Variants in GABRD observed in about 807,000 individuals in gnomAD.
The protein encoded by GABRD is gamma-aminobutyric acid receptor subunit delta.
In GABRD, 25 loss-of-function variants were observed where a neutral mutation model predicts 47.3. The ratio of observed to expected loss-of-function variants is 0.53; its 90% CI spans 0.39 to 0.74. GABRD has a LOEUF of 0.74. GABRD is among the 30% of genes least tolerant of loss of function. The pLI, the probability that GABRD is intolerant of heterozygous loss-of-function variation, is 0.00. For missense variants in GABRD, 497 were observed against 643.4 expected (o/e 0.77, Z 2.46); for synonymous variants, 314 against 278.8 (o/e 1.13, Z -1.26).
chr1:2,028,941 C>T lies in GABRD; in HGVS notation c.692-170C>T, dbSNP rs1405534828. 1.5e-5 allele frequency: 12 copies of T among 786,072 alleles called. No homozygotes were observed. The highest frequency in any genetic ancestry group is 8.0e-5 in the East Asian group (3 of 37,308). The allele number at this position is 786,072 out of a possible 1,614,324, so 48.7% of individuals were successfully genotyped here. Reference sequence around the variant, plus strand: ...CCTGTCCTGTGGCCAGACCTAGGGCCGGAGGCCCCCTGACATTTCAGGCCA... The same window carrying T: ...CCTGTCCTGTGGCCAGACCTAGGGCTGGAGGCCCCCTGACATTTCAGGCCA... On this transcript the variant is annotated intron_variant, in intron 6 of 8. Coordinates refer to ENST00000378585, the MANE Select transcript of GABRD (RefSeq NM_000815.5). The surrounding 1 kb of genome is among the most constrained non-coding windows in gnomAD (Gnocchi z 6.4).
In GABRD at chr1:2,028,324, G is replaced by A; in HGVS notation, c.691+32G>A. On this transcript the variant is annotated intron_variant, in intron 6 of 8. Coordinates refer to ENST00000378585, the MANE Select transcript of GABRD (RefSeq NM_000815.5). This position sits in a 1 kb window ranked among gnomAD's most constrained non-coding sequence, Gnocchi z 6.4. Reference sequence around the variant, plus strand: ...TATGCCCGCCGCCCCTTCCGCATGTGCCCGCCGCCCCTTCCGCGCGCGCCC... The same window carrying A: ...TATGCCCGCCGCCCCTTCCGCATGTACCCGCCGCCCCTTCCGCGCGCGCCC... 1 of 1,587,160 alleles carries A rather than the reference G, an allele frequency of 6.3e-7. No homozygotes were observed. The highest frequency in any genetic ancestry group is 8.6e-7 in the Non-Finnish European group (1 of 1,164,436).
At chr1:2,020,638 C>T (rs1376892596) in intron 1 of GABRD, among the ~76,000 whole-genome samples, 1 of 152,196 alleles carries the variant, frequency 6.6e-6, no homozygotes, top group Non-Finnish European at 1.5e-5. Flanking sequence ...GCCTTTCTCC[C>T]TTTGTCCTTC....
At chr1:2,027,099 GC>G (rs1411367218) in intron 4 of GABRD, 2 of 257,926 alleles carry the variant, frequency 7.8e-6, no homozygotes, top group African/African-American at 4.6e-5. Context: ...GGGGGTTGAG[GC>G]TGTAGTGAGT....
chr1:2,025,210 A>C (rs1328652435), intron 2 of GABRD, 124 bp from the exon 3 acceptor site: 1 of 1,316,340 alleles, frequency 7.6e-7, no homozygotes, highest in East Asian at 2.3e-5. Context: ...AGAGACAGCC[A>C]GGGAGGTGCA....
Position 2,024,999 on chromosome 1 carries a change from C to A in GABRD, c.126C>A (p.Pro42=). The A allele has an allele frequency of 6.2e-7, 1 of 1,612,930 alleles. No individual in the cohort carries two copies. Residue 42 remains proline, a synonymous_variant, in exon 2 of 9, where the codon CCC becomes CCA. Transcript: ENST00000378585. ...VGSNLEISWL[P]NLDGLIAGYA... ...CCAACCTGGAGATCTCCTGGCTCCCCAACCTGGACGGGCTGATAGCCGGCT... is the reference window on the plus strand; with the variant it reads ...CCAACCTGGAGATCTCCTGGCTCCCAAACCTGGACGGGCTGATAGCCGGCT...
chr1:2,025,776 T>C, intron 4 of GABRD, 38 bp downstream of exon 4: 1 of 1,578,368 alleles, frequency 6.3e-7, no homozygotes, highest in Non-Finnish European at 8.7e-7. Context: ...GGGGAGAGCC[T>C]GCCCGGGCCA....
At chr1:2,026,294 G>A (rs187639707) in intron 4 of GABRD, among the ~76,000 whole-genome samples, 75 of 152,260 alleles carry the variant, frequency 4.9e-4, no homozygotes, top group African/African-American at 1.6e-3. Context: ...TCAGCATCAC[G>A]TCCTCACGGT....
At chr1:2,023,772 G>A (rs1553123042) in intron 1 of GABRD, 1 of 152,202 alleles carries the variant, frequency 6.6e-6, no homozygotes, top group Non-Finnish European at 1.5e-5. Flanking sequence ...CCCACCCCTG[G>A]GACCAATCCC....
intron 1 of GABRD, among the ~76,000 whole-genome samples, chr1:2,020,543 C>G (rs766741524): frequency 6.6e-6 from 1 of 152,224 alleles, no homozygotes; most frequent in Non-Finnish European, 1.5e-5. Flanking sequence ...GTGTGCCCAT[C>G]AGGAGACCGC....
chr1:2,023,184 G>A (rs1248190681), intron 1 of GABRD, among the ~76,000 whole-genome samples: 4 of 152,098 alleles, frequency 2.6e-5, no homozygotes, highest in African/African-American at 4.8e-5. Flanking sequence ...GCAGCTCCCC[G>A]GCTGGACTTA....
rs369289695 is a variant in GABRD at position 2,025,757 on chromosome 1, C to T, written c.470+19C>T. On this transcript the variant is annotated intron_variant, in intron 4 of 8. Transcript: ENST00000378585. ...GCATCCGGTGAGCGGGCTGCCCACCCGGACTCCGGGGGAGAGCCTGCCCGG... is the reference window on the plus strand; with the variant it reads ...GCATCCGGTGAGCGGGCTGCCCACCTGGACTCCGGGGGAGAGCCTGCCCGG... 1.9e-5 allele frequency: 31 copies of T among 1,602,844 alleles called. No homozygotes were observed. Among genetic ancestry groups the T allele is most frequent in the Admixed American group, 1.0e-4 (6 of 59,848 alleles).
In GABRD at chr1:2,028,312, C is replaced by T. The variant is rs1209420215; in HGVS notation, c.691+20C>T. 3 of 1,600,352 alleles carry T rather than the reference C, an allele frequency of 1.9e-6. No individual in the cohort carries two copies. The highest frequency in any genetic ancestry group is 2.6e-6 in the Non-Finnish European group (3 of 1,172,378). ...AGTCCGGTAACATATGCCCGCCGCCCCTTCCGCATGTGCCCGCCGCCCCTT... is the reference window on the plus strand; with the variant it reads ...AGTCCGGTAACATATGCCCGCCGCCTCTTCCGCATGTGCCCGCCGCCCCTT... On this transcript the variant is annotated intron_variant, in intron 6 of 8. Coordinates refer to ENST00000378585, the MANE Select transcript of GABRD (RefSeq NM_000815.5). This position sits in a 1 kb window ranked among gnomAD's most constrained non-coding sequence, Gnocchi z 6.4.
rs544834800 is a variant in GABRD, at chr1:2,028,282, C to G, written c.681C>G (p.Asn227Lys). 2 of 1,611,136 alleles carry G rather than the reference C, an allele frequency of 1.2e-6. No individual in the cohort carries two copies. The highest frequency in any genetic ancestry group is 1.7e-6 in the Non-Finnish European group (2 of 1,179,140). The change falls in exon 6 of 9, where the codon AAC becomes AAG. Residue 227 changes from asparagine to lysine, a missense_variant. Asn to Lys is a moderately conservative substitution (Grantham distance 94). Around this residue, in one of 3 missense-constraint regions of GABRD, gnomAD observed 285 missense variants for 436.6 expected, o/e 0.65. Transcript: ENST00000378585. The surrounding 1 kb of genome is among the most constrained non-coding windows in gnomAD (Gnocchi z 6.4). ...TSYRFTTELM[N>K]FKSAGQFPRL... Reference sequence around the variant, plus strand: ...ACCGCTTCACCACGGAGCTGATGAACTTCAAGTCCGGTAACATATGCCCGC... The same window carrying G: ...ACCGCTTCACCACGGAGCTGATGAAGTTCAAGTCCGGTAACATATGCCCGC...
rs1306095458 is a variant in GABRD, at chr1:2,028,332, C to A, written c.691+40C>A. ...CCGCCCCTTCCGCATGTGCCCGCCG[C>A]CCCTTCCGCGCGCGCCCACCGCCCC... is the stretch of plus-strand genomic sequence containing the variant. On this transcript the variant is annotated intron_variant, in intron 6 of 8. Coordinates refer to ENST00000378585, the MANE Select transcript of GABRD (RefSeq NM_000815.5). This position sits in a 1 kb window ranked among gnomAD's most constrained non-coding sequence, Gnocchi z 6.4. 6.3e-7 allele frequency: 1 copy of A among 1,576,564 alleles called. No individual in the cohort carries two copies. The highest frequency in any genetic ancestry group is 1.1e-5 in the South Asian group (1 of 88,144).
rs1659056391 is a variant in GABRD, at chr1:2,030,345, T to C, written c.*63T>C. 2 of 1,422,994 alleles carry C rather than the reference T, an allele frequency of 1.4e-6. No individual in the cohort carries two copies. The highest frequency in any genetic ancestry group is 9.3e-7 in the Non-Finnish European group (1 of 1,070,248). The allele number at this position is 1,422,994 out of a possible 1,614,324, so 88.1% of individuals were successfully genotyped here. ...CGGCGGCAGCTGCCCAGAAACTTCC[T>C]GGGAGAAAGAGCCCTCGGGCTGCCT... On this transcript the variant is annotated 3_prime_UTR_variant, in exon 9 of 9. Transcript: ENST00000378585.
At chr1:2,024,648 C>T (rs1658870617) in intron 1 of GABRD, 2 of 246,724 alleles carry the variant, frequency 8.1e-6, no homozygotes, top group African/African-American at 4.5e-5. Flanking sequence ...CGCTGGGGGG[C>T]TCTGTCCAAC....
Position 2,025,689 on chromosome 1 carries a change from A to G in GABRD, c.421A>G (p.Asn141Asp). ...SAWFHDVTVE[N>D]KLIRLQPDGV... ...CTGGTTCCACGACGTGACGGTGGAG[A>G]ACAAGCTCATCCGGCTGCAGCCCGA... The change falls in exon 4 of 9, where the codon AAC (asparagine) becomes GAC (aspartate). Residue 141 changes from asparagine (N) to aspartate (D), a missense_variant. Coordinates refer to ENST00000378585, the MANE Select transcript of GABRD (RefSeq NM_000815.5). The G allele has an allele frequency of 6.2e-7, 1 of 1,612,930 alleles. No individual in the cohort carries two copies. The highest frequency in any genetic ancestry group is 1.1e-5 in the South Asian group (1 of 91,080).
chr1:2,025,360 C>CTGGA lies in GABRD; in HGVS notation c.209_212dup (p.Glu71AspfsTer359). 10 of 1,613,130 alleles carry CTGGA rather than the reference C, an allele frequency of 6.2e-6. No homozygotes were observed. Among genetic ancestry groups the CTGGA allele is most frequent in the Non-Finnish European group, 8.5e-6 (10 of 1,179,992 alleles). Reference sequence around the variant, plus strand: ...CCCCCCCGTGAATGTGGCCCTTGCCCTGGAGGTGGCCAGCATCGACCACAT... The same window carrying CTGGA: ...CCCCCCCGTGAATGTGGCCCTTGCCCTGGATGGAGGTGGCCAGCATCGACCACAT... On this transcript the variant is annotated frameshift_variant, in exon 3 of 9. Transcript: ENST00000378585. LOFTEE classifies it high-confidence loss of function.
chr1:2,022,423 T>G (rs1658804584), intron 1 of GABRD: 1 of 152,302 alleles, frequency 6.6e-6, no homozygotes, highest in South Asian at 2.1e-4. Flanking sequence ...GGAGCCTGCT[T>G]CCTTCTCGCC....
Sources: allele counts gnomAD v4.1 joint callset (sites outside exome capture counted in the v4.1 genomes callset), GRCh38; gene constraint gnomAD v4.1.1; regional missense constraint gnomAD v4.1.1; non-coding constraint Gnocchi (gnomAD v3.1); transcripts MANE v1.5; gene names NCBI Gene and HGNC (gene_info 2026-07-23, HGNC 2026-07-21).